The following PPARGC1A variants were observed in gnomAD, a reference collection of about 807,000 sequenced individuals.
PPARGC1A encodes the protein peroxisome proliferator-activated receptor gamma coactivator 1-alpha.
Under a neutral mutation model 88.7 loss-of-function variants are expected in PPARGC1A, and 25 were observed. The ratio of observed to expected loss-of-function variants is 0.28; its 90% CI spans 0.21 to 0.39. The LOEUF (loss-of-function observed/expected upper bound fraction) is 0.39, where lower values mean the gene tolerates loss of function less well. Among genes scored for constraint, PPARGC1A ranks in the 10% least tolerant of loss-of-function variants. The probability of loss-of-function intolerance (pLI) is 1.00; values close to 1 mark genes in which losing one functional copy is unlikely to be tolerated. For synonymous variants in PPARGC1A, 363 were observed against 355.6 expected, an observed-to-expected ratio of 1.02 and a Z score of -0.24; for missense variants, 880 against 968.7, an observed-to-expected ratio of 0.91 and a Z score of 1.22.
At chr4:23,837,252 G>T (rs1726182084) in intron 2 of PPARGC1A, among the ~76,000 whole-genome samples, 2 of 151,948 alleles carry the variant, frequency 1.3e-5, no homozygotes, top group Admixed American at 6.6e-5. Flanking sequence ...AGTATCTTAG[G>T]TACTGTGTAC....
At chr4:23,979,757 G>A in the PPARGC1A span, among the ~76,000 whole-genome samples, 1 of 152,296 alleles carries the variant, frequency 6.6e-6, no homozygotes, top group Admixed American at 6.5e-5. Flanking sequence ...CATTTGGATG[G>A]TTTTGCTTCG....
chr4:24,063,471 G>A, the PPARGC1A span, among the ~76,000 whole-genome samples: 1 of 152,174 alleles, frequency 6.6e-6, no homozygotes, highest in African/African-American at 2.4e-5. Context: ...TCAGTAGGTA[G>A]GGAGTGACTT....
chr4:24,271,470 C>G, the PPARGC1A span, among the ~76,000 whole-genome samples: 1 of 152,092 alleles, frequency 6.6e-6, no homozygotes, highest in African/African-American at 2.4e-5. Context: ...CTCCACCACC[C>G]AGGTTCACGC....
chr4:24,426,813 G>A, the PPARGC1A span, among the ~76,000 whole-genome samples: 1 of 152,166 alleles, frequency 6.6e-6, no homozygotes, highest in Non-Finnish European at 1.5e-5. Flanking sequence ...ATGTACCTTA[G>A]GGCAATAGTT....
chr4:24,208,685 ATAT>A, the PPARGC1A span, among the ~76,000 whole-genome samples: 9,073 of 132,200 alleles, frequency 0.069, 443 homozygotes, highest in East Asian at 0.19. Flanking sequence ...GAAAAAAAAT[ATAT>A]ATATATATAT....
chr4:24,259,650 G>C, the PPARGC1A span, among the ~76,000 whole-genome samples: 1 of 152,128 alleles, frequency 6.6e-6, no homozygotes, highest in East Asian at 1.9e-4. Flanking sequence ...TGTAACCTGG[G>C]AGCAATAGTA....
In PPARGC1A at chr4:23,836,126, T is replaced by C. The variant is rs147266368; in HGVS notation, c.235-4375A>G. ...AAAATACTATTTTACAAAAAATATA[T>C]GTCTTAGCTCCATCCGAGTTGGGGA... On this transcript the variant is annotated intron_variant, in intron 2 of 12. Coordinates refer to ENST00000264867, the MANE Select transcript of PPARGC1A (RefSeq NM_013261.5). 8.1e-3 allele frequency among the ~76,000 whole-genome samples: 1,229 copies of C among 152,308 alleles called. 25 individuals are homozygous for C. Among genetic ancestry groups the C allele is most frequent in the South Asian group, 0.066 (319 of 4,828 alleles).
the PPARGC1A span, among the ~76,000 whole-genome samples, chr4:24,273,253 A>C: frequency 7.2e-5 from 11 of 152,206 alleles, no homozygotes; most frequent in Admixed American, 2.0e-4. Flanking sequence ...CAAATTTAAA[A>C]CTCTGCCCGC....
chr4:24,182,174 G>A, the PPARGC1A span, among the ~76,000 whole-genome samples: 3 of 152,106 alleles, frequency 2.0e-5, no homozygotes, highest in Non-Finnish European at 4.4e-5. Context: ...AGGCTTCGGT[G>A]TGTGATGTTC....
chr4:24,374,151 T>C, the PPARGC1A span, among the ~76,000 whole-genome samples: 1 of 152,244 alleles, frequency 6.6e-6, no homozygotes, highest in Non-Finnish European at 1.5e-5. Context: ...CAAAAGATGA[T>C]GGTTAACACC....
At chr4:23,831,219 T>C (rs1036064474) in intron 3 of PPARGC1A, among the ~76,000 whole-genome samples, 3 of 152,134 alleles carry the variant, frequency 2.0e-5, no homozygotes, top group African/African-American at 7.2e-5. Context: ...ATATGAGAGG[T>C]TATTTGAAAT....
the PPARGC1A span, among the ~76,000 whole-genome samples, chr4:24,092,301 C>A: frequency 1.3e-5 from 2 of 152,064 alleles, no homozygotes; most frequent in South Asian, 2.1e-4. Flanking sequence ...TGAATGAACT[C>A]CTCAAACTTT....
chr4:24,396,169 C>T, the PPARGC1A span, among the ~76,000 whole-genome samples: 7 of 152,084 alleles, frequency 4.6e-5, no homozygotes, highest in African/African-American at 1.4e-4. Context: ...GGTAGAGCCA[C>T]CAGGGAGCAG....
At chr4:24,000,345 T>TA in the PPARGC1A span, among the ~76,000 whole-genome samples, 1 of 152,146 alleles carries the variant, frequency 6.6e-6, no homozygotes, top group African/African-American at 2.4e-5. Context: ...CCCCTTGCAA[T>TA]TTCATTTGCC....
chr4:24,415,583 C>G, the PPARGC1A span, among the ~76,000 whole-genome samples: 2 of 152,190 alleles, frequency 1.3e-5, no homozygotes, highest in Admixed American at 6.5e-5. Flanking sequence ...GCCAACTCTA[C>G]TGACCTTCTG....
At chr4:23,910,419 A>G in the PPARGC1A span, among the ~76,000 whole-genome samples, 1 of 117,420 alleles carries the variant, frequency 8.5e-6, no homozygotes, top group Non-Finnish European at 1.7e-5. Flanking sequence ...CCCTATATAT[A>G]TTATTAATAT....
the PPARGC1A span, among the ~76,000 whole-genome samples, chr4:24,065,392 G>A: frequency 5.9e-5 from 9 of 152,128 alleles, 1 homozygote; most frequent in Admixed American, 5.9e-4. Context: ...TTAGGGGATT[G>A]CCTTCCATGC....
At chr4:24,033,552 C>T in the PPARGC1A span, among the ~76,000 whole-genome samples, 1 of 152,170 alleles carries the variant, frequency 6.6e-6, no homozygotes, top group Non-Finnish European at 1.5e-5. Flanking sequence ...TAACACTTTG[C>T]ATTCAGGGTT....
intron 4 of PPARGC1A, among the ~76,000 whole-genome samples, chr4:23,829,187 G>A (rs1167624399): frequency 3.3e-5 from 5 of 152,206 alleles, no homozygotes; most frequent in Admixed American, 1.3e-4. Flanking sequence ...AAATTTTACC[G>A]TGGCCCACAA....
Sources: gnomAD v4.1 joint callset for allele counts (sites outside exome capture counted in the v4.1 genomes callset) on GRCh38, gnomAD v4.1.1 for gene constraint, MANE v1.5 for transcripts, NCBI Gene and HGNC (gene_info 2026-07-23, HGNC 2026-07-21) for gene names.